The following PTPRD variants were observed in gnomAD, a reference collection of about 807,000 sequenced individuals.
PTPRD encodes the protein receptor-type tyrosine-protein phosphatase delta.
PTPRD carries 34 observed loss-of-function variants against 214.5 expected under a neutral mutation model. That is an observed-to-expected ratio of 0.16 (90% CI 0.12 to 0.21). The LOEUF is 0.21. Among genes scored for constraint, PTPRD ranks in the 10% least tolerant of loss-of-function variants. The pLI is 1.00. For missense variants in PTPRD, 2,545 were observed against 2,398.7 expected, an observed-to-expected ratio of 1.06 and a Z score of -1.27; for synonymous variants, 1,128 against 845.7, an observed-to-expected ratio of 1.33 and a Z score of -5.79.
At chr9:9,322,249 G>A (rs76765693) in intron 9 of PTPRD, among the ~76,000 whole-genome samples, 3 of 152,088 alleles carry the variant, frequency 2.0e-5, no homozygotes, top group South Asian at 2.1e-4. Flanking sequence ...AATTGTCTTC[G>A]TATTCTACTA....
At chr9:9,881,359 C>T (rs1417338743) in intron 5 of PTPRD, among the ~76,000 whole-genome samples, 2 of 152,064 alleles carry the variant, frequency 1.3e-5, no homozygotes, top group Non-Finnish European at 2.9e-5. Context: ...ACTATTTTGC[C>T]TATCTCAAAC....
intron 10 of PTPRD, among the ~76,000 whole-genome samples, chr9:9,141,991 A>G (rs999407839): frequency 6.6e-6 from 1 of 152,194 alleles, no homozygotes; most frequent in Non-Finnish European, 1.5e-5. Context: ...TGCTACATAG[A>G]CATATTCATC....
At chr9:9,940,247 G>A (rs1394999451) in intron 4 of PTPRD, among the ~76,000 whole-genome samples, 2 of 152,056 alleles carry the variant, frequency 1.3e-5, no homozygotes, top group East Asian at 3.9e-4. Context: ...GCGTAAGATG[G>A]CAGCACAGAT....
intron 4 of PTPRD, among the ~76,000 whole-genome samples, chr9:9,987,140 T>A (rs928995111): frequency 6.6e-6 from 1 of 152,182 alleles, no homozygotes; most frequent in Non-Finnish European, 1.5e-5. Context: ...AATTATGTTT[T>A]TTGAACTCCA....
chr9:9,748,850 G>A (rs1034362029), intron 6 of PTPRD, among the ~76,000 whole-genome samples: 1 of 151,074 alleles, frequency 6.6e-6, no homozygotes, highest in Non-Finnish European at 1.5e-5. Flanking sequence ...TCCACATTTG[G>A]TTCTTTCAGT....
At chr9:9,910,955 T>C (rs1462423911) in intron 5 of PTPRD, among the ~76,000 whole-genome samples, 1 of 149,976 alleles carries the variant, frequency 6.7e-6, no homozygotes, top group Non-Finnish European at 1.5e-5. Context: ...TCATTTTCTT[T>C]AGAAACTACT....
intron 9 of PTPRD, among the ~76,000 whole-genome samples, chr9:9,275,055 GTATATATATATTATATATATATATATAA>G (rs1569566610): frequency 1.4e-5 from 1 of 69,090 alleles, no homozygotes; most frequent in Non-Finnish European, 2.7e-5. Context: ...ATATATATAT[GTATATATATATTATATATATATATATAA>G]TATATATGTT....
intron 3 of PTPRD, among the ~76,000 whole-genome samples, chr9:10,148,047 C>A (rs960121919): frequency 6.6e-6 from 1 of 152,162 alleles, no homozygotes; most frequent in African/African-American, 2.4e-5. Context: ...ATACGACTTT[C>A]TAAATCCAGA....
intron 11 of PTPRD, among the ~76,000 whole-genome samples, chr9:8,819,735 T>C (rs762884781): frequency 6.6e-6 from 1 of 152,172 alleles, no homozygotes; most frequent in African/African-American, 2.4e-5. Flanking sequence ...TTCAATAAAA[T>C]GTGGGAGATT....
At chr9:9,322,835 G>C (rs1248807407) in intron 9 of PTPRD, among the ~76,000 whole-genome samples, 1 of 152,138 alleles carries the variant, frequency 6.6e-6, no homozygotes. Context: ...GCATGTAAGA[G>C]TGAGTCATTT....
At chr9:8,621,276 G>A (rs2095813887) in intron 14 of PTPRD, among the ~76,000 whole-genome samples, 1 of 151,926 alleles carries the variant, frequency 6.6e-6, no homozygotes, top group African/African-American at 2.4e-5. Context: ...GGAGGACACA[G>A]GAAGCGTGGT....
intron 14 of PTPRD, among the ~76,000 whole-genome samples, chr9:8,605,251 C>G (rs950356850): frequency 4.6e-5 from 7 of 152,126 alleles, no homozygotes; most frequent in Admixed American, 3.3e-4. Flanking sequence ...TTAAACCTGA[C>G]AATTTAATAT....
chr9:9,492,198 A>T (rs2095939399), intron 8 of PTPRD, among the ~76,000 whole-genome samples: 1 of 151,888 alleles, frequency 6.6e-6, no homozygotes, highest in African/African-American at 2.4e-5. Flanking sequence ...ATCATGTAGA[A>T]CAGGAACATA....
At chr9:8,433,855 C>A (rs536595462) in intron 35 of PTPRD, among the ~76,000 whole-genome samples, 1 of 152,146 alleles carries the variant, frequency 6.6e-6, no homozygotes, top group Non-Finnish European at 1.5e-5. Context: ...TTTATAAAGT[C>A]TACAGTAGTA....
chr9:9,487,238 G>A (rs1014434228), intron 8 of PTPRD, among the ~76,000 whole-genome samples: 1 of 151,070 alleles, frequency 6.6e-6, no homozygotes, highest in Admixed American at 6.6e-5. Flanking sequence ...AGTCCCCGGT[G>A]TGTGATGTTC....
At chr9:8,474,959 T>C (rs1475196822) in intron 30 of PTPRD, among the ~76,000 whole-genome samples, 1 of 152,164 alleles carries the variant, frequency 6.6e-6, no homozygotes, top group Non-Finnish European at 1.5e-5. Context: ...ATATCTCAAC[T>C]TCTCCTTCCC....
intron 8 of PTPRD, among the ~76,000 whole-genome samples, chr9:9,551,852 C>A (rs920280286): frequency 5.0e-4 from 76 of 151,880 alleles, no homozygotes; most frequent in African/African-American, 1.8e-3. Flanking sequence ...TAAGTTGCTC[C>A]CCAAAAGGAA....
At chr9:8,728,031 T>G (rs2098605292) in intron 12 of PTPRD, among the ~76,000 whole-genome samples, 4 of 152,140 alleles carry the variant, frequency 2.6e-5, no homozygotes, top group Non-Finnish European at 5.9e-5. Flanking sequence ...GCGGATCACC[T>G]GAGGTCGGGA....
intron 33 of PTPRD, among the ~76,000 whole-genome samples, chr9:8,453,666 A>C (rs1330593531): frequency 6.6e-6 from 1 of 152,218 alleles, no homozygotes; most frequent in Non-Finnish European, 1.5e-5. Flanking sequence ...TTTTAGTGTA[A>C]ATAATGCAGC....
Sources: allele counts gnomAD v4.1 joint callset (sites outside exome capture counted in the v4.1 genomes callset), GRCh38; gene constraint gnomAD v4.1.1; transcripts MANE v1.5; gene names NCBI Gene and HGNC (gene_info 2026-07-23, HGNC 2026-07-21).